NAV3: variants seen among roughly 807,000 people sequenced by gnomAD.
NAV3 encodes the protein pore membrane and/or filament interacting like protein 1.
A neutral mutation model predicts 244.7 loss-of-function variants in NAV3; 87 were observed. The observed-to-expected ratio is 0.36, with a 90% CI of 0.30 to 0.42. The LOEUF (loss-of-function observed/expected upper bound fraction) is 0.42, where lower values mean the gene tolerates loss of function less well. Among genes scored for constraint, NAV3 ranks in the 20% least tolerant of loss-of-function variants. NAV3 has a pLI of 1.00. For missense variants in NAV3, 2,663 were observed against 2,893.3 expected (o/e 0.92, Z 1.83); for synonymous variants, 1,126 against 1,042.2 (o/e 1.08, Z -1.55).
chr12:78,107,076 G>T (rs768216222), intron 12 of NAV3, among the ~76,000 whole-genome samples: 9 of 152,058 alleles, frequency 5.9e-5, no homozygotes, highest in African/African-American at 2.2e-4. Context: ...ATATGAAAGC[G>T]AATTCAAATA....
chr12:77,627,004 T>C (rs1042342124), intron 2 of NAV3, among the ~76,000 whole-genome samples: 5 of 151,818 alleles, frequency 3.3e-5, no homozygotes, highest in African/African-American at 1.2e-4. Context: ...ACAAAACAAT[T>C]AACAAAATGA....
At chr12:77,669,431 C>T (rs546995605) in intron 2 of NAV3, among the ~76,000 whole-genome samples, 1 of 152,212 alleles carries the variant, frequency 6.6e-6, no homozygotes, top group South Asian at 2.1e-4. Flanking sequence ...AATTCAACAA[C>T]CAAGTTTCTG....
chr12:77,610,540 A>G (rs146979772), intron 2 of NAV3, among the ~76,000 whole-genome samples: 2 of 152,236 alleles, frequency 1.3e-5, no homozygotes, highest in African/African-American at 4.8e-5. Context: ...ATAGATACGT[A>G]GACAAGCCAT....
intron 7 of NAV3, among the ~76,000 whole-genome samples, chr12:78,001,239 A>C (rs746829209): frequency 6.6e-6 from 1 of 152,174 alleles, no homozygotes; most frequent in Non-Finnish European, 1.5e-5. Context: ...ACTAACTTGA[A>C]TATTATTATT....
At chr12:78,017,560 A>T (rs1367134217) in intron 8 of NAV3, among the ~76,000 whole-genome samples, 2 of 152,180 alleles carry the variant, frequency 1.3e-5, no homozygotes, top group East Asian at 3.9e-4. Context: ...ACATAGGACC[A>T]TGTTGCTGAA....
chr12:78,062,770 A>T (rs949405194), intron 12 of NAV3, among the ~76,000 whole-genome samples: 2 of 152,136 alleles, frequency 1.3e-5, no homozygotes. Flanking sequence ...GTGGTTCCCA[A>T]CTACTTTTGC....
chr12:77,999,793 GAA>G (rs200295675), intron 7 of NAV3, among the ~76,000 whole-genome samples: 1 of 142,614 alleles, frequency 7.0e-6, no homozygotes. Flanking sequence ...TCGCTCATCA[GAA>G]AAAAAAAAAT....
intron 2 of NAV3, among the ~76,000 whole-genome samples, chr12:77,810,316 C>A (rs1017088834): frequency 6.6e-6 from 1 of 152,064 alleles, no homozygotes; most frequent in African/African-American, 2.4e-5. Flanking sequence ...GGACTACAGG[C>A]GCCCGCCACC....
At chr12:77,981,566 A>T (rs915300552) in intron 5 of NAV3, among the ~76,000 whole-genome samples, 15 of 152,096 alleles carry the variant, frequency 9.9e-5, no homozygotes, top group African/African-American at 3.6e-4. Context: ...ATTCCTTAGC[A>T]TTAAACTTTA....
Position 78,104,555 on chromosome 12 carries a change from C to T in NAV3, c.2637-12217C>T, listed in dbSNP as rs528441316. 4.6e-5 allele frequency among the ~76,000 whole-genome samples: 7 copies of T among 152,196 alleles called. No homozygotes were observed. The South Asian group carries it at 6.2e-4, about 14-fold the overall frequency. On this transcript the variant is annotated intron_variant, in intron 12 of 39. Transcript: ENST00000397909. ...AGATTGGCCCCATCGAGTTACTGAA[C>T]GTTAAAAATCTAAAAACTAAAAGGC...
chr12:77,996,537 G>A lies in NAV3; in HGVS notation c.740+1666G>A, dbSNP rs57210494. Among the ~76,000 whole-genome samples, 353 of 152,178 alleles carry A rather than the reference G, an allele frequency of 2.3e-3. 1 individual carries two copies. Among genetic ancestry groups the A allele is most frequent in the African/African-American group, 8.2e-3 (342 of 41,534 alleles). ...TATTAACCGTTCTAAGAAATCAACA[G>A]TTTTGTTTTTAAGTTAGTATTTGTT... On this transcript the variant is annotated intron_variant, in intron 6 of 39. Transcript: ENST00000397909.
chr12:77,847,963 C>G (rs1565852542), intron 1 of NAV3, among the ~76,000 whole-genome samples: 2 of 152,260 alleles, frequency 1.3e-5, no homozygotes, highest in East Asian at 3.9e-4. Context: ...TTGTGTAAAC[C>G]TTTTGTTCAA....
intron 2 of NAV3, among the ~76,000 whole-genome samples, chr12:77,757,431 T>C (rs965487462): frequency 5.3e-5 from 8 of 152,218 alleles, no homozygotes; most frequent in African/African-American, 1.7e-4. Flanking sequence ...TGCCTTCTTC[T>C]CTCTAATTCT....
chr12:78,176,586 T>C (rs539273517), intron 26 of NAV3, 127 bp downstream of exon 26: 2 of 862,862 alleles, frequency 2.3e-6, no homozygotes, highest in African/African-American at 3.5e-5. Flanking sequence ...GTCTTTTCTT[T>C]GTGTCTTTTC....
intron 34 of NAV3, among the ~76,000 whole-genome samples, chr12:78,196,759 C>T (rs1367433188): frequency 1.3e-5 from 2 of 151,856 alleles, no homozygotes; most frequent in African/African-American, 4.8e-5. Context: ...ACCCCATCTA[C>T]CTGAATTAGA....
At chr12:78,034,752 A>G (rs1879567156) in intron 9 of NAV3, among the ~76,000 whole-genome samples, 1 of 152,214 alleles carries the variant, frequency 6.6e-6, no homozygotes, top group South Asian at 2.1e-4. Flanking sequence ...TCACTGTGTC[A>G]CAATAACTCA....
intron 1 of NAV3, among the ~76,000 whole-genome samples, chr12:77,933,827 T>G (rs572560538): frequency 2.0e-5 from 3 of 152,326 alleles, no homozygotes; most frequent in Non-Finnish European, 1.5e-5. Context: ...TGTGATCAAC[T>G]TTTCAAAACA....
intron 22 of NAV3, among the ~76,000 whole-genome samples, chr12:78,154,336 T>G (rs1300749727): frequency 7.2e-6 from 1 of 138,412 alleles, no homozygotes; most frequent in Non-Finnish European, 1.6e-5. Flanking sequence ...ATATATTATA[T>G]AGTAATATAT....
intron 2 of NAV3, among the ~76,000 whole-genome samples, chr12:77,648,677 G>T (rs140066457): frequency 1.3e-5 from 2 of 152,142 alleles, no homozygotes; most frequent in Non-Finnish European, 2.9e-5. Context: ...TAAAAAGTTG[G>T]TGACAATTTA....
Sources: allele counts gnomAD v4.1 joint callset (sites outside exome capture counted in the v4.1 genomes callset), GRCh38; gene constraint gnomAD v4.1.1; transcripts MANE v1.5; gene names NCBI Gene and HGNC (gene_info 2026-07-23, HGNC 2026-07-21).